Variants in MGAT4C observed in about 807,000 individuals in gnomAD.
The protein encoded by MGAT4C is alpha-1,3-mannosyl-glycoprotein 4-beta-N-acetylglucosaminyltransferase C.
A neutral mutation model predicts 40.1 loss-of-function variants in MGAT4C; 19 were observed. The observed-to-expected ratio is 0.47, with a 90% confidence interval of 0.33 to 0.70. MGAT4C has a LOEUF of 0.70. Among genes scored for constraint, MGAT4C ranks in the 30% least tolerant of loss-of-function variants. The pLI, the probability that MGAT4C is intolerant of heterozygous loss-of-function variation, is 0.02. For missense variants in MGAT4C, 491 were observed against 563.2 expected (o/e 0.87, Z 1.30); for synonymous variants, 181 against 187.1 (o/e 0.97, Z 0.27).
At chr12:86,014,943 G>A (rs1314645474) in intron 2 of MGAT4C, among the ~76,000 whole-genome samples, 2 of 150,880 alleles carry the variant, frequency 1.3e-5, no homozygotes, top group African/African-American at 2.4e-5. Flanking sequence ...CACCATACCC[G>A]GCTAATTTTT....
chr12:86,750,006 T>TTGTTGGA (rs774417789), intron 1 of MGAT4C, among the ~76,000 whole-genome samples: 4,950 of 151,902 alleles, frequency 0.033, 271 homozygotes, highest in African/African-American at 0.11. Context: ...AATCAATGTA[T>TTGTTGGA]TTGTTGGATT....
chr12:86,573,512 G>A (rs543859024), intron 2 of MGAT4C, among the ~76,000 whole-genome samples: 6 of 152,048 alleles, frequency 3.9e-5, no homozygotes, highest in South Asian at 4.1e-4. Context: ...AGTTAGTGAC[G>A]TAATTTTGAT....
chr12:86,647,036 C>G (rs144514633), intron 2 of MGAT4C, among the ~76,000 whole-genome samples: 35 of 151,884 alleles, frequency 2.3e-4, no homozygotes, highest in Admixed American at 5.3e-4. Flanking sequence ...TGGACTATCA[C>G]GTAATGAAGC....
intron 4 of MGAT4C, among the ~76,000 whole-genome samples, chr12:86,333,846 C>T (rs1354435783): frequency 6.6e-6 from 1 of 152,146 alleles, no homozygotes; most frequent in East Asian, 1.9e-4. Context: ...GTTAATAGCA[C>T]AAATACATTA....
intron 2 of MGAT4C, among the ~76,000 whole-genome samples, chr12:86,580,572 A>G (rs554471078): frequency 6.6e-6 from 1 of 151,628 alleles, no homozygotes; most frequent in South Asian, 2.1e-4. Flanking sequence ...ATTAACTAAA[A>G]TTATGTCCGA....
intron 2 of MGAT4C, among the ~76,000 whole-genome samples, chr12:86,591,445 T>C (rs1593020984): frequency 6.6e-6 from 1 of 152,010 alleles, no homozygotes; most frequent in Non-Finnish European, 1.5e-5. Flanking sequence ...AAATACATTT[T>C]AGTTTTCCAC....
At chr12:86,551,334 C>T (rs539167864) in intron 2 of MGAT4C, among the ~76,000 whole-genome samples, 1 of 152,344 alleles carries the variant, frequency 6.6e-6, no homozygotes, top group Non-Finnish European at 1.5e-5. Flanking sequence ...GCCAAGCAGC[C>T]TTGCACATGT....
intron 2 of MGAT4C, among the ~76,000 whole-genome samples, chr12:86,706,625 C>T (rs1272367986): frequency 6.6e-6 from 1 of 152,010 alleles, no homozygotes; most frequent in Non-Finnish European, 1.5e-5. Context: ...CCCATAGAAG[C>T]AAGACAGAGT....
At chr12:86,004,006 CTAAAG>C (rs1887619598) in intron 2 of MGAT4C, among the ~76,000 whole-genome samples, 1 of 152,054 alleles carries the variant, frequency 6.6e-6, no homozygotes, top group South Asian at 2.1e-4. Flanking sequence ...TTTAAAAGCA[CTAAAG>C]TATTTTACAT....
At chr12:86,171,601 G>A (rs768183339) in intron 1 of MGAT4C, among the ~76,000 whole-genome samples, 28 of 152,096 alleles carry the variant, frequency 1.8e-4, no homozygotes, top group Non-Finnish European at 3.7e-4. Context: ...AACTAATGAT[G>A]TTCAATAGCT....
At chr12:86,453,824 A>G (rs117385839) in intron 2 of MGAT4C, among the ~76,000 whole-genome samples, 1,827 of 152,200 alleles carry the variant, frequency 0.012, 14 homozygotes, top group Middle Eastern at 0.027. Context: ...CAAGAACTTT[A>G]TCTATAACTG....
At chr12:86,059,584 G>A (rs1379378069) in intron 1 of MGAT4C, among the ~76,000 whole-genome samples, 1 of 152,174 alleles carries the variant, frequency 6.6e-6, no homozygotes, top group Non-Finnish European at 1.5e-5. Flanking sequence ...CCTTTTGGAA[G>A]ATACATCCCT....
At chr12:86,634,671 T>C (rs1209752819) in intron 2 of MGAT4C, among the ~76,000 whole-genome samples, 1 of 152,094 alleles carries the variant, frequency 6.6e-6, no homozygotes, top group African/African-American at 2.4e-5. Flanking sequence ...AAAAACATCC[T>C]ATAATTCCCT....
chr12:86,321,158 T>C (rs993680755), intron 4 of MGAT4C, among the ~76,000 whole-genome samples: 11 of 152,152 alleles, frequency 7.2e-5, no homozygotes, highest in African/African-American at 2.7e-4. Context: ...AAACTTTCAA[T>C]TTTATTACCC....
intron 2 of MGAT4C, among the ~76,000 whole-genome samples, chr12:86,539,221 G>A (rs1375919015): frequency 2.2e-5 from 3 of 138,464 alleles, no homozygotes; most frequent in Non-Finnish European, 4.6e-5. Context: ...TCCCCTTCCC[G>A]TGTCCAAGTG....
intron 1 of MGAT4C, among the ~76,000 whole-genome samples, chr12:86,155,850 C>A (rs1207634404): frequency 6.6e-6 from 1 of 152,044 alleles, no homozygotes; most frequent in Non-Finnish European, 1.5e-5. Context: ...TTCTTTTAAT[C>A]CAGTGCTGGC....
At chr12:86,540,339 C>A (rs1959152040) in intron 2 of MGAT4C, among the ~76,000 whole-genome samples, 1 of 152,186 alleles carries the variant, frequency 6.6e-6, no homozygotes, top group African/African-American at 2.4e-5. Context: ...ACAATCATTT[C>A]TCAGGCAATT....
chr12:86,631,411 G>T (rs1440707430), intron 2 of MGAT4C, among the ~76,000 whole-genome samples: 5 of 151,966 alleles, frequency 3.3e-5, no homozygotes, highest in African/African-American at 1.2e-4. Context: ...CTACTTTGAA[G>T]TTCATATGGA....
rs917383075 is a variant in MGAT4C at position 86,529,613 on chromosome 12, T to C, written c.-228-94348A>G. On this transcript the variant is annotated intron_variant, in intron 2 of 7. Transcript: ENST00000548651. ...GTTATAAGTCCCATCATTGATTTTATTGCCTGCAATCATTCCACCAACTTG... is the reference window on the plus strand; with the variant it reads ...GTTATAAGTCCCATCATTGATTTTACTGCCTGCAATCATTCCACCAACTTG... Among the ~76,000 whole-genome samples the C allele has an allele frequency of 2.6e-5, 4 of 152,110 alleles. No individual in the cohort carries two copies. In the South Asian group the frequency reaches 6.2e-4, roughly 24 times the overall value.
Sources: allele counts gnomAD v4.1 joint callset (sites outside exome capture counted in the v4.1 genomes callset), GRCh38; gene constraint gnomAD v4.1.1; transcripts MANE v1.5; gene names NCBI Gene and HGNC (gene_info 2026-07-23, HGNC 2026-07-21).